The following ARHGEF12 variants were observed in gnomAD, a reference collection of about 807,000 sequenced individuals.
ARHGEF12 encodes the protein Rho guanine nucleotide exchange factor 12.
ARHGEF12 carries 66 observed loss-of-function variants against 211.2 expected under a neutral mutation model. The ratio of observed to expected loss-of-function variants is 0.31; its 90% CI spans 0.26 to 0.38. The LOEUF is 0.38. ARHGEF12 is among the 10% of genes least tolerant of loss of function. The probability of loss-of-function intolerance (pLI) is 1.00; values close to 1 mark genes in which losing one functional copy is unlikely to be tolerated. For synonymous variants in ARHGEF12, 592 were observed against 638.4 expected, an observed-to-expected ratio of 0.93 and a Z score of 1.09; for missense variants, 1,429 against 1,869.5, an observed-to-expected ratio of 0.76 and a Z score of 4.34.
At chr11:120,370,142 A>C (rs911383865) in intron 1 of ARHGEF12, among the ~76,000 whole-genome samples, 1 of 152,226 alleles carries the variant, frequency 6.6e-6, no homozygotes, top group Non-Finnish European at 1.5e-5. Flanking sequence ...TGTTACTATT[A>C]ATAATGAATA....
At chr11:120,357,013 T>G (rs1270896195) in intron 1 of ARHGEF12, among the ~76,000 whole-genome samples, 1 of 151,374 alleles carries the variant, frequency 6.6e-6, no homozygotes, top group Non-Finnish European at 1.5e-5. Context: ...CAACCTGCAC[T>G]GTTTTTTTTT....
intron 4 of ARHGEF12, among the ~76,000 whole-genome samples, chr11:120,413,628 C>T (rs116874792): frequency 1.6e-4 from 24 of 152,196 alleles, no homozygotes; most frequent in African/African-American, 5.3e-4. Flanking sequence ...TAAGGCTCTT[C>T]TTGCTGGCAA....
At chr11:120,380,624 G>T (rs954870786) in intron 1 of ARHGEF12, among the ~76,000 whole-genome samples, 1 of 152,150 alleles carries the variant, frequency 6.6e-6, no homozygotes, top group Non-Finnish European at 1.5e-5. Flanking sequence ...TGATGTCCAC[G>T]TGGCATCACT....
chr11:120,416,074 A>G (rs970054336), intron 4 of ARHGEF12, among the ~76,000 whole-genome samples: 2 of 152,120 alleles, frequency 1.3e-5, no homozygotes, highest in African/African-American at 4.8e-5. Context: ...TGAATTGGAG[A>G]TAAGAGATTT....
At chr11:120,351,453 ATATTTTTTTT>A (rs1942965364) in intron 1 of ARHGEF12, among the ~76,000 whole-genome samples, 1 of 3,634 alleles carries the variant, frequency 2.8e-4, no homozygotes, top group Non-Finnish European at 4.5e-4. Flanking sequence ...ATATATATAT[ATATTTTTTTT>A]TTTTTTTTTT....
chr11:120,443,332 CT>C (rs1945941197), intron 15 of ARHGEF12, among the ~76,000 whole-genome samples: 1 of 152,094 alleles, frequency 6.6e-6, no homozygotes, highest in Non-Finnish European at 1.5e-5. Flanking sequence ...GATTGTCCAT[CT>C]TTTATCCAAG....
chr11:120,366,160 G>T (rs569372733), intron 1 of ARHGEF12, among the ~76,000 whole-genome samples: 2 of 152,284 alleles, frequency 1.3e-5, no homozygotes, highest in East Asian at 3.9e-4. Flanking sequence ...GGAGGCTGAG[G>T]TGGAAGGATT....
intron 11 of ARHGEF12, among the ~76,000 whole-genome samples, chr11:120,433,350 G>A (rs953982098): frequency 2.0e-5 from 3 of 152,200 alleles, no homozygotes; most frequent in Non-Finnish European, 4.4e-5. Flanking sequence ...TATCTTAGAA[G>A]CCAAATCATG....
intron 22 of ARHGEF12, among the ~76,000 whole-genome samples, chr11:120,455,528 C>T (rs1258021905): frequency 6.6e-6 from 1 of 152,184 alleles, no homozygotes; most frequent in Admixed American, 6.5e-5. Flanking sequence ...TTTTCAGATA[C>T]ACAAGGTCCA....
At chr11:120,434,595 G>T (rs930810276) in intron 11 of ARHGEF12, among the ~76,000 whole-genome samples, 1 of 152,108 alleles carries the variant, frequency 6.6e-6, no homozygotes, top group African/African-American at 2.4e-5. Context: ...TTGAATCAGT[G>T]CTTTTAACTT....
intron 1 of ARHGEF12, among the ~76,000 whole-genome samples, chr11:120,368,953 C>G (rs925860136): frequency 7.2e-5 from 11 of 151,972 alleles, no homozygotes; most frequent in African/African-American, 2.4e-4. Context: ...TAAATGTCAT[C>G]TAGCCTGTAA....
In ARHGEF12 at chr11:120,409,720, TG is replaced by T. The variant is rs1591554545; in HGVS notation, c.199+271del. The T allele has an allele frequency of 4.9e-5, 16 of 323,470 alleles. No homozygotes were observed. The East Asian group carries it at 8.8e-4, about 18-fold the overall frequency. 20.0% of individuals were successfully genotyped at this position (323,470 alleles called of 1,614,324 possible). On this transcript the variant is annotated intron_variant, in intron 4 of 40. Transcript: ENST00000397843. ...TCCCGTCTTGTTTATGGTAGGAAGG[TG>T]ATTATCTCTAATATGTTTGGGTCAG...
At chr11:120,387,327 C>T (rs1164424288) in intron 1 of ARHGEF12, among the ~76,000 whole-genome samples, 2 of 152,010 alleles carry the variant, frequency 1.3e-5, no homozygotes, top group Non-Finnish European at 2.9e-5. Flanking sequence ...TTATTACTGT[C>T]TGTCATCTTC....
intron 10 of ARHGEF12, among the ~76,000 whole-genome samples, chr11:120,431,386 C>T (rs1181715293): frequency 6.6e-6 from 1 of 152,242 alleles, no homozygotes; most frequent in East Asian, 1.9e-4. Context: ...TTGATTGACA[C>T]TCTGAAGCAT....
At chr11:120,459,542 C>T (rs1043715440) in intron 26 of ARHGEF12, among the ~76,000 whole-genome samples, 12 of 151,948 alleles carry the variant, frequency 7.9e-5, no homozygotes, top group African/African-American at 2.7e-4. Context: ...AAAGTCATTG[C>T]CTAAGGTGAA....
At position 120,448,245 on chromosome 11, in the gene ARHGEF12, A is replaced by G; in HGVS notation, c.1634A>G (p.Gln545Arg). ...AVEEDKSSTM[Q>R]YVILMYMKHL... The stretch of plus-strand genomic sequence containing the variant: ...CCTTTCTCCTCCAGCTCCACCATGC[A>G]GTATGTTATTCTCATGTATATGAAG... Residue 545 changes from glutamine to arginine, a missense_variant, in exon 20 of 41, where the codon CAG (glutamine) becomes CGG (arginine). Transcript: ENST00000397843. The G allele has an allele frequency of 2.5e-6, 4 of 1,613,000 alleles. No individual in the cohort carries two copies. Among genetic ancestry groups the G allele is most frequent in the Non-Finnish European group, 3.4e-6 (4 of 1,179,164 alleles).
chr11:120,454,039 A>G (rs1946288381), intron 22 of ARHGEF12, among the ~76,000 whole-genome samples: 1 of 152,198 alleles, frequency 6.6e-6, no homozygotes, highest in African/African-American at 2.4e-5. Flanking sequence ...TTGTGTAGGG[A>G]GAGTTAAGTC....
chr11:120,351,432 TATATATATATATATATATATA>T (rs1565420598), intron 1 of ARHGEF12, among the ~76,000 whole-genome samples: 5 of 3,362 alleles, frequency 1.5e-3, no homozygotes, highest in South Asian at 6.4e-3. Context: ...TATATATATA[TATATATATATATATATATATA>T]TATTTTTTTT....
Position 120,485,289 on chromosome 11 carries a change from T to G in ARHGEF12, c.*212T>G. The G allele has an allele frequency of 3.8e-6, 2 of 528,300 alleles. No homozygotes were observed. Among genetic ancestry groups the G allele is most frequent in the Non-Finnish European group, 6.8e-6 (2 of 293,514 alleles). The allele number at this position is 528,300 out of a possible 1,614,324, so 32.7% of individuals were successfully genotyped here. A position where few individuals can be genotyped will look rare whatever the true frequency, so the allele number is the denominator to read the frequency against. ...TAATCTGTTTGTGAGGGAATATCCATTCCCTCACTCTACTCTCCTCACTAT... is the reference window on the plus strand; with the variant it reads ...TAATCTGTTTGTGAGGGAATATCCAGTCCCTCACTCTACTCTCCTCACTAT... On this transcript the variant is annotated 3_prime_UTR_variant, in exon 41 of 41. Transcript: ENST00000397843.
Sources: gnomAD v4.1 joint callset for allele counts (sites outside exome capture counted in the v4.1 genomes callset) on GRCh38, gnomAD v4.1.1 for gene constraint, MANE v1.5 for transcripts, NCBI Gene and HGNC (gene_info 2026-07-23, HGNC 2026-07-21) for gene names.